STK32B: variants seen among roughly 807,000 people sequenced by gnomAD.
STK32B encodes the protein serine/threonine-protein kinase 32B.
A neutral mutation model predicts 52.6 loss-of-function variants in STK32B; 43 were observed. The observed-to-expected ratio is 0.82, with a 90% CI of 0.64 to 1.05. STK32B has a LOEUF of 1.05. Ranked by LOEUF, STK32B falls within the 50% of genes least tolerant of loss-of-function variation. The pLI, the probability that STK32B is intolerant of heterozygous loss-of-function variation, is 0.00. For missense variants in STK32B, 621 were observed against 534.6 expected (o/e 1.16, Z -1.59); for synonymous variants, 238 against 204.3 (o/e 1.17, Z -1.41).
At chr4:5,138,616 T>C (rs1716221001) in intron 1 of STK32B, among the ~76,000 whole-genome samples, 1 of 151,846 alleles carries the variant, frequency 6.6e-6, no homozygotes, top group African/African-American at 2.4e-5. Flanking sequence ...CAGAAAAAAA[T>C]AAACATGGCC....
chr4:5,446,204 C>T (rs779539233), intron 6 of STK32B, among the ~76,000 whole-genome samples: 2 of 152,222 alleles, frequency 1.3e-5, no homozygotes, highest in East Asian at 1.9e-4. Context: ...TCTCAGACAG[C>T]TCATGGCTTA....
intron 1 of STK32B, among the ~76,000 whole-genome samples, chr4:5,100,489 G>T (rs536189668): frequency 2.8e-5 from 3 of 109,084 alleles, no homozygotes; most frequent in Admixed American, 1.2e-4. Context: ...TTCCTTCCTT[G>T]CCTGCTCTTT....
At chr4:5,037,787 G>A in the STK32B span, among the ~76,000 whole-genome samples, 53 of 152,328 alleles carry the variant, frequency 3.5e-4, 1 homozygote, top group South Asian at 0.011. Context: ...CTTCTACTCA[G>A]CTATGACACT....
chr4:5,272,688 C>A (rs62299993), intron 3 of STK32B, among the ~76,000 whole-genome samples: 20 of 151,580 alleles, frequency 1.3e-4, no homozygotes, highest in East Asian at 9.8e-4. Context: ...ATAACGCCGC[C>A]TACCTACAAC....
chr4:5,243,231 G>C (rs1015460645), intron 3 of STK32B, among the ~76,000 whole-genome samples: 3 of 152,126 alleles, frequency 2.0e-5, no homozygotes, highest in African/African-American at 4.8e-5. Context: ...TCTTCCATTT[G>C]TTTGTATCCT....
intron 3 of STK32B, among the ~76,000 whole-genome samples, chr4:5,288,124 A>G (rs1336494739): frequency 6.6e-6 from 1 of 152,166 alleles, no homozygotes; most frequent in East Asian, 1.9e-4. Flanking sequence ...CTTCCGTTTT[A>G]TGGATCTACC....
At chr4:5,170,415 C>T (rs1018994023) in intron 3 of STK32B, among the ~76,000 whole-genome samples, 11 of 152,062 alleles carry the variant, frequency 7.2e-5, no homozygotes, top group Non-Finnish European at 1.3e-4. Context: ...CCCATTAACT[C>T]GTCATTTAAC....
chr4:5,426,883 G>T (rs529324563), intron 6 of STK32B: 1 of 151,538 alleles, frequency 6.6e-6, no homozygotes, highest in African/African-American at 2.4e-5. Context: ...ATTTTTATTT[G>T]TTTTACTATT....
intron 4 of STK32B, among the ~76,000 whole-genome samples, chr4:5,374,939 CAA>C (rs537357008): frequency 2.5e-3 from 377 of 152,240 alleles, no homozygotes; most frequent in African/African-American, 8.6e-3. Flanking sequence ...AGCAAGCGTC[CAA>C]AGTTAAGGAG....
At chr4:5,144,376 T>C (rs1487890173) in intron 2 of STK32B, among the ~76,000 whole-genome samples, 1 of 152,184 alleles carries the variant, frequency 6.6e-6, no homozygotes, top group Non-Finnish European at 1.5e-5. Context: ...GTTGATTCTT[T>C]TGTTGCTTAA....
chr4:5,318,904 A>G (rs1409143050), intron 3 of STK32B, among the ~76,000 whole-genome samples: 1 of 151,536 alleles, frequency 6.6e-6, no homozygotes, highest in Non-Finnish European at 1.5e-5. Flanking sequence ...GGTTTATGCC[A>G]TTCACCTGCC....
chr4:5,471,314 G>C (rs995933150), intron 11 of STK32B, among the ~76,000 whole-genome samples: 1 of 152,152 alleles, frequency 6.6e-6, no homozygotes, highest in South Asian at 2.1e-4. Flanking sequence ...GGAGTAGGGT[G>C]GGTGCCTAAT....
rs1361459951 is a variant in STK32B at position 5,210,517 on chromosome 4, A to G, written c.260+42067A>G. Among the ~76,000 whole-genome samples, 3 of 152,140 alleles carry G rather than the reference A, an allele frequency of 2.0e-5. No individual in the cohort carries two copies. In the East Asian group the frequency reaches 5.8e-4, roughly 29 times the overall value. ...CTGCCCTCACCGAAGACAAACCTGC[A>G]CTGTTGTACTTTGTGTCCTCTTATG... On this transcript the variant is annotated intron_variant, in intron 3 of 11. Transcript: ENST00000282908.
At chr4:5,159,645 G>A (rs10020731) in intron 2 of STK32B, among the ~76,000 whole-genome samples, 15,799 of 48,594 alleles carry the variant, frequency 0.33, 3,579 homozygotes, top group East Asian at 0.41. Context: ...ATATATGAAT[G>A]TATATGAATA....
rs1341142950 is a variant in STK32B, at chr4:5,127,064, T to C, written c.53-12841T>C. 3 of 501,244 alleles carry C rather than the reference T, an allele frequency of 6.0e-6. No homozygotes were observed. In the Admixed American group the frequency reaches 6.1e-5, roughly 10 times the overall value. 31.0% of individuals were successfully genotyped at this position (501,244 alleles called of 1,614,324 possible). On this transcript the variant is annotated intron_variant, in intron 1 of 11. Coordinates refer to ENST00000282908, the MANE Select transcript of STK32B (RefSeq NM_018401.3). ...GCTGAGATAAAGGTGCCATGGACATTGGTGCTGCCTAAGTGCTTTATTCAT... is the reference window on the plus strand; with the variant it reads ...GCTGAGATAAAGGTGCCATGGACATCGGTGCTGCCTAAGTGCTTTATTCAT...
At chr4:5,205,709 TGTGTG>T (rs1388187184) in intron 3 of STK32B, among the ~76,000 whole-genome samples, 3 of 146,626 alleles carry the variant, frequency 2.0e-5, no homozygotes, top group Admixed American at 1.3e-4. Flanking sequence ...CGCGCGTGTG[TGTGTG>T]TGTGTGTGTG....
the STK32B span, among the ~76,000 whole-genome samples, chr4:5,046,242 C>A: frequency 6.6e-6 from 1 of 152,060 alleles, no homozygotes; most frequent in Admixed American, 6.6e-5. Flanking sequence ...TTTCGACAAA[C>A]GTGACAAAAA....
At chr4:5,216,024 G>A (rs954235883) in intron 3 of STK32B, among the ~76,000 whole-genome samples, 1 of 152,160 alleles carries the variant, frequency 6.6e-6, no homozygotes, top group African/African-American at 2.4e-5. Context: ...TTCTAGTTTT[G>A]CTTTTTGTGG....
chr4:5,462,247 T>C (rs1426937072), intron 9 of STK32B, among the ~76,000 whole-genome samples: 1 of 151,946 alleles, frequency 6.6e-6, no homozygotes, highest in Non-Finnish European at 1.5e-5. Context: ...TGCGTGTGTG[T>C]GCCTCTGTTT....
Sources: gnomAD v4.1 joint callset for allele counts (sites outside exome capture counted in the v4.1 genomes callset) on GRCh38, gnomAD v4.1.1 for gene constraint, MANE v1.5 for transcripts, NCBI Gene and HGNC (gene_info 2026-07-23, HGNC 2026-07-21) for gene names.